CAMK2D: variants seen among roughly 807,000 people sequenced by gnomAD.
CAMK2D encodes calcium/calmodulin-dependent protein kinase type II subunit delta.
A neutral mutation model predicts 84.0 loss-of-function variants in CAMK2D; 37 were observed. The ratio of observed to expected loss-of-function variants is 0.44; its 90% confidence interval spans 0.34 to 0.58. The LOEUF is 0.58. Among genes scored for constraint, CAMK2D ranks in the 20% least tolerant of loss-of-function variants. The pLI, the probability that CAMK2D is intolerant of heterozygous loss-of-function variation, is 0.02. For missense variants in CAMK2D, 448 were observed against 652.5 expected (o/e 0.69, Z 3.41); for synonymous variants, 202 against 212.5 (o/e 0.95, Z 0.43).
intron 2 of CAMK2D, among the ~76,000 whole-genome samples, chr4:113,740,078 T>C (rs1320293655): frequency 1.3e-5 from 2 of 152,172 alleles, no homozygotes; most frequent in African/African-American, 4.8e-5. Context: ...TCCTATACTA[T>C]AGAGTACTAT....
intron 2 of CAMK2D, among the ~76,000 whole-genome samples, chr4:113,690,974 A>G (rs1315035689): frequency 6.6e-6 from 1 of 152,224 alleles, no homozygotes. Flanking sequence ...ATGCTTAGAC[A>G]TAAACTAAGA....
intron 16 of CAMK2D, among the ~76,000 whole-genome samples, chr4:113,484,138 T>C (rs2097737153): frequency 6.6e-6 from 1 of 152,166 alleles, no homozygotes; most frequent in South Asian, 2.1e-4. Flanking sequence ...ACCCATTCTA[T>C]CCAAACTTCC....
chr4:113,581,007 A>G (rs1377699707), intron 4 of CAMK2D, among the ~76,000 whole-genome samples: 1 of 152,120 alleles, frequency 6.6e-6, no homozygotes, highest in African/African-American at 2.4e-5. Flanking sequence ...GCAGCAAACC[A>G]CTATGGTACA....
chr4:113,597,176 T>C (rs1561243425), intron 4 of CAMK2D, among the ~76,000 whole-genome samples: 2 of 152,234 alleles, frequency 1.3e-5, no homozygotes, highest in Non-Finnish European at 2.9e-5. Context: ...AGTCATCATA[T>C]GCATTAATCC....
intron 5 of CAMK2D, 24 bp from the exon 6 acceptor site, chr4:113,547,740 TGTGTTA>T (rs1366409036): frequency 6.7e-7 from 1 of 1,498,678 alleles, no homozygotes; most frequent in Admixed American, 2.0e-5. Flanking sequence ...CCAGGGGGCG[TGTGTTA>T]GTTCCAAGCT....
chr4:113,728,283 T>C (rs1442949727), intron 2 of CAMK2D, among the ~76,000 whole-genome samples: 1 of 152,144 alleles, frequency 6.6e-6, no homozygotes, highest in Non-Finnish European at 1.5e-5. Flanking sequence ...TGGACCTATA[T>C]TGATATAATA....
At chr4:113,574,681 A>C (rs775528254) in intron 4 of CAMK2D, among the ~76,000 whole-genome samples, 2 of 152,346 alleles carry the variant, frequency 1.3e-5, no homozygotes, top group Non-Finnish European at 2.9e-5. Context: ...GATAAGCCTC[A>C]GCTCTTAGTT....
chr4:113,499,916 T>C (rs1297701103), intron 16 of CAMK2D, among the ~76,000 whole-genome samples: 1 of 152,118 alleles, frequency 6.6e-6, no homozygotes, highest in African/African-American at 2.4e-5. Context: ...CAATGACTCA[T>C]ACATGTAGCT....
chr4:113,567,526 C>T (rs2098731592), intron 4 of CAMK2D, among the ~76,000 whole-genome samples: 1 of 152,070 alleles, frequency 6.6e-6, no homozygotes, highest in Non-Finnish European at 1.5e-5. Flanking sequence ...AATCTTAGAT[C>T]CCCACATAAA....
intron 2 of CAMK2D, among the ~76,000 whole-genome samples, chr4:113,674,527 C>T (rs891768686): frequency 4.6e-5 from 7 of 151,960 alleles, no homozygotes; most frequent in Admixed American, 3.3e-4. Flanking sequence ...ATATTCAATG[C>T]CACTTAAATT....
intron 2 of CAMK2D, among the ~76,000 whole-genome samples, chr4:113,739,884 A>G (rs1223061562): frequency 1.3e-5 from 2 of 152,114 alleles, no homozygotes; most frequent in Non-Finnish European, 2.9e-5. Context: ...GGTATAATTG[A>G]ACCCATCACC....
intron 2 of CAMK2D, among the ~76,000 whole-genome samples, chr4:113,736,700 T>C (rs1453047191): frequency 6.6e-6 from 1 of 152,206 alleles, no homozygotes; most frequent in African/African-American, 2.4e-5. Context: ...GGCCTTTCAT[T>C]CATATTAAAA....
intron 3 of CAMK2D, among the ~76,000 whole-genome samples, chr4:113,657,812 C>T (rs556271168): frequency 6.6e-6 from 1 of 152,212 alleles, no homozygotes; most frequent in Non-Finnish European, 1.5e-5. Flanking sequence ...ATGAAACAAG[C>T]ACATTTTCAC....
intron 2 of CAMK2D, among the ~76,000 whole-genome samples, chr4:113,718,315 A>G (rs887879458): frequency 3.0e-4 from 46 of 152,134 alleles, no homozygotes; most frequent in Non-Finnish European, 6.3e-4. Flanking sequence ...GAAAGTGGGA[A>G]GTGCTGATTG....
intron 2 of CAMK2D, among the ~76,000 whole-genome samples, chr4:113,734,896 A>G (rs774137898): frequency 1.6e-4 from 15 of 95,918 alleles, no homozygotes; most frequent in Non-Finnish European, 2.3e-4. Flanking sequence ...AGGAAAATGG[A>G]AAAAAAAAAA....
intron 2 of CAMK2D, among the ~76,000 whole-genome samples, chr4:113,750,625 G>C (rs777945095): frequency 6.6e-6 from 1 of 152,122 alleles, no homozygotes; most frequent in South Asian, 2.1e-4. Context: ...CCAGCAAAGC[G>C]AGTGCTAAAA....
intron 3 of CAMK2D, among the ~76,000 whole-genome samples, chr4:113,639,858 C>T (rs1212002889): frequency 6.6e-6 from 1 of 151,888 alleles, no homozygotes; most frequent in Non-Finnish European, 1.5e-5. Context: ...ATTAGGGAGC[C>T]ATGGGAGGAT....
At chr4:113,681,905 T>C (rs904967831) in intron 2 of CAMK2D, among the ~76,000 whole-genome samples, 1 of 152,064 alleles carries the variant, frequency 6.6e-6, no homozygotes, top group Non-Finnish European at 1.5e-5. Flanking sequence ...CATTTTGTCA[T>C]TTGATTAGTT....
At chr4:113,760,323 T>A (rs534401610) in intron 1 of CAMK2D, among the ~76,000 whole-genome samples, 1 of 152,154 alleles carries the variant, frequency 6.6e-6, no homozygotes, top group Admixed American at 6.5e-5. Context: ...CCGTTGCCTG[T>A]ATAAATAAAT....
Sources: allele counts gnomAD v4.1 joint callset (sites outside exome capture counted in the v4.1 genomes callset), GRCh38; gene constraint gnomAD v4.1.1; transcripts MANE v1.5; gene names NCBI Gene and HGNC (gene_info 2026-07-23, HGNC 2026-07-21).